SLC35D4: variants seen among roughly 807,000 people sequenced by gnomAD.
SLC35D4 encodes UDP-N-acetylglucosamine transporter SLC35D4.
At chr18:23,326,714 T>A in the SLC35D4 span, among the ~76,000 whole-genome samples, 1 of 152,212 alleles carries the variant, frequency 6.6e-6, no homozygotes, top group Non-Finnish European at 1.5e-5. Context: ...AATAGACATC[T>A]ACAGAACTCT....
the SLC35D4 span, among the ~76,000 whole-genome samples, chr18:23,414,987 C>A: frequency 6.6e-6 from 1 of 152,118 alleles, no homozygotes; most frequent in Non-Finnish European, 1.5e-5. Flanking sequence ...TGGCTCACAC[C>A]TATAGTTTCA....
chr18:23,283,490 A>AAG, the SLC35D4 span, among the ~76,000 whole-genome samples: 212 of 149,418 alleles, frequency 1.4e-3, 1 homozygote, highest in African/African-American at 5.1e-3. Flanking sequence ...AAAAAAAAAA[A>AAG]AAAGAAAGAA....
chr18:23,239,291 G>C, the SLC35D4 span, among the ~76,000 whole-genome samples: 1 of 152,328 alleles, frequency 6.6e-6, no homozygotes, highest in South Asian at 2.1e-4. Flanking sequence ...TGCAGTCAGT[G>C]CTTCTGGGAA....
the SLC35D4 span, among the ~76,000 whole-genome samples, chr18:23,382,288 GTT>G: frequency 1.4e-5 from 2 of 144,222 alleles, no homozygotes; most frequent in Non-Finnish European, 1.5e-5. Flanking sequence ...GAGAATATGA[GTT>G]TTTTTTTTTA....
chr18:23,318,279 G>A, the SLC35D4 span, among the ~76,000 whole-genome samples: 1 of 152,044 alleles, frequency 6.6e-6, no homozygotes. Flanking sequence ...TTTAAAAATC[G>A]GGGTTTTTAA....
the SLC35D4 span, chr18:23,260,064 C>G: frequency 6.6e-6 from 1 of 152,278 alleles, no homozygotes; most frequent in Admixed American, 6.5e-5. Flanking sequence ...GCAGACAAGC[C>G]AAGAGGTTGC....
At chr18:23,358,541 T>TA in the SLC35D4 span, among the ~76,000 whole-genome samples, 2 of 152,130 alleles carry the variant, frequency 1.3e-5, no homozygotes, top group African/African-American at 4.8e-5. Flanking sequence ...TAAGAATAGC[T>TA]AGCCCTTACC....
At chr18:23,272,703 C>A in the SLC35D4 span, among the ~76,000 whole-genome samples, 1 of 152,208 alleles carries the variant, frequency 6.6e-6, no homozygotes, top group Non-Finnish European at 1.5e-5. Flanking sequence ...TGACTGCCTA[C>A]ACGAACCTGA....
the SLC35D4 span, among the ~76,000 whole-genome samples, chr18:23,268,356 T>A: frequency 6.6e-6 from 1 of 152,266 alleles, no homozygotes; most frequent in South Asian, 2.1e-4. Flanking sequence ...AATATTTGGT[T>A]GGAAAACTAA....
the SLC35D4 span, among the ~76,000 whole-genome samples, chr18:23,252,649 G>A: frequency 4.1e-4 from 63 of 152,260 alleles, no homozygotes; most frequent in Middle Eastern, 0.01. Context: ...GCCCCATACC[G>A]TGTGAACAGG....
At chr18:23,281,468 G>A in the SLC35D4 span, among the ~76,000 whole-genome samples, 20,688 of 151,974 alleles carry the variant, frequency 0.14, 1,642 homozygotes, top group Middle Eastern at 0.21. Flanking sequence ...GACCACAGGC[G>A]TGCACAACCA....
the SLC35D4 span, among the ~76,000 whole-genome samples, chr18:23,431,582 T>G: frequency 1.9e-4 from 29 of 152,338 alleles, no homozygotes; most frequent in Non-Finnish European, 4.0e-4. Flanking sequence ...TTCAAACTAA[T>G]TCTGCATTTT....
the SLC35D4 span, among the ~76,000 whole-genome samples, chr18:23,387,433 C>T: frequency 6.6e-6 from 1 of 152,098 alleles, no homozygotes; most frequent in African/African-American, 2.4e-5. Context: ...GGTTAAGGAC[C>T]TTGATGAGTG....
At chr18:23,367,121 G>T in the SLC35D4 span, among the ~76,000 whole-genome samples, 1 of 152,152 alleles carries the variant, frequency 6.6e-6, no homozygotes, top group South Asian at 2.1e-4. Context: ...ATCTCCCAGA[G>T]CCTGTCATGT....
At chr18:23,361,844 T>C in the SLC35D4 span, among the ~76,000 whole-genome samples, 1 of 152,256 alleles carries the variant, frequency 6.6e-6, no homozygotes, top group African/African-American at 2.4e-5. Flanking sequence ...ATGAGAAAGA[T>C]GTCCTTTTAT....
At chr18:23,412,615 C>T in the SLC35D4 span, among the ~76,000 whole-genome samples, 1 of 152,144 alleles carries the variant, frequency 6.6e-6, no homozygotes, top group Non-Finnish European at 1.5e-5. Flanking sequence ...GATCACATTC[C>T]CTTGACGAAG....
the SLC35D4 span, among the ~76,000 whole-genome samples, chr18:23,239,205 C>T: frequency 6.6e-6 from 1 of 152,168 alleles, no homozygotes; most frequent in African/African-American, 2.4e-5. Flanking sequence ...GAAGACTTGC[C>T]AAGTCAGCAT....
chr18:23,286,556 C>T, the SLC35D4 span, among the ~76,000 whole-genome samples: 2 of 151,952 alleles, frequency 1.3e-5, no homozygotes, highest in African/African-American at 4.8e-5. Context: ...TCGGAAGCCC[C>T]GTAGACCATC....
At chr18:23,378,980 C>T in the SLC35D4 span, among the ~76,000 whole-genome samples, 1 of 152,204 alleles carries the variant, frequency 6.6e-6, no homozygotes, top group South Asian at 2.1e-4. Flanking sequence ...CCTGCCTCTG[C>T]AGAGCACAGG....
Sources: gnomAD v4.1 joint callset for allele counts (sites outside exome capture counted in the v4.1 genomes callset) on GRCh38, gnomAD v4.1.1 for gene constraint, MANE v1.5 for transcripts, NCBI Gene and HGNC (gene_info 2026-07-23, HGNC 2026-07-21) for gene names.